Variants in PRDM15 observed in about 807,000 individuals in gnomAD.
PRDM15 encodes the protein PR/SET domain 15, also known as PR domain zinc finger protein 15.
A neutral mutation model predicts 128.6 loss-of-function variants in PRDM15; 64 were observed. That is an observed-to-expected ratio of 0.50 (90% confidence interval 0.41 to 0.61). PRDM15 has a LOEUF of 0.61. Among genes scored for constraint, PRDM15 ranks in the 20% least tolerant of loss-of-function variants. PRDM15 has a pLI of 0.00. For synonymous variants in PRDM15, 615 were observed against 621.8 expected, an observed-to-expected ratio of 0.99 and a Z score of 0.16; for missense variants, 1,242 against 1,569.1, an observed-to-expected ratio of 0.79 and a Z score of 3.52.
chr21:41,819,581 C>A lies in PRDM15; in HGVS notation c.2260+1G>T, dbSNP rs1237913134. On this transcript the variant is annotated splice_donor_variant, in intron 18 of 23. Coordinates refer to ENST00000398548, the MANE Select transcript of PRDM15 (RefSeq NM_001040424.3). LOFTEE classifies it high-confidence loss of function. ...CCCATGTCCCCAGCACCCGTACCCA[C>A]CTTTCCCACACTCGGCACACAGGTA... The A allele has an allele frequency of 6.2e-7, 1 of 1,612,542 alleles. No individual in the cohort carries two copies. Among genetic ancestry groups the A allele is most frequent in the East Asian group, 2.2e-5 (1 of 44,864 alleles).
At chr21:41,847,852 C>T (rs902607043) in intron 5 of PRDM15, among the ~76,000 whole-genome samples, 6 of 152,238 alleles carry the variant, frequency 3.9e-5, no homozygotes, top group Non-Finnish European at 8.8e-5. Flanking sequence ...CCATGCCACA[C>T]AGGAATCTGG....
At chr21:41,848,031 C>T (rs999634499) in intron 5 of PRDM15, among the ~76,000 whole-genome samples, 1 of 152,192 alleles carries the variant, frequency 6.6e-6, no homozygotes, top group Non-Finnish European at 1.5e-5. Context: ...TTCTCTACAC[C>T]TCGTCTGGCA....
chr21:41,818,125 A>G (rs889891535), intron 18 of PRDM15, among the ~76,000 whole-genome samples: 5 of 151,968 alleles, frequency 3.3e-5, no homozygotes, highest in African/African-American at 1.2e-4. Context: ...CAGGCTCACC[A>G]CACTGTCTTA....
At chr21:41,812,768 C>T (rs565031431) in intron 19 of PRDM15, 8 of 152,374 alleles carry the variant, frequency 5.3e-5, no homozygotes, top group African/African-American at 1.9e-4. Flanking sequence ...GAGGAACGGC[C>T]ACCGCCTTGG....
chr21:41,841,198 A>T (rs2063064231), intron 6 of PRDM15, among the ~76,000 whole-genome samples: 3 of 152,228 alleles, frequency 2.0e-5, no homozygotes, highest in Admixed American at 2.0e-4. Context: ...AATAAAAATA[A>T]AGACATAAAT....
chr21:41,840,262 T>C (rs1481396236), intron 6 of PRDM15, among the ~76,000 whole-genome samples: 1 of 151,776 alleles, frequency 6.6e-6, no homozygotes, highest in African/African-American at 2.4e-5. Flanking sequence ...CTGGCAAACA[T>C]GGTGAAAACC....
chr21:41,859,476 C>CA lies in PRDM15; in HGVS notation c.131+115dup, dbSNP rs905657732. 1.3e-4 allele frequency: 107 copies of CA among 837,476 alleles called. No homozygotes were observed. The highest frequency in any genetic ancestry group is 5.2e-4 in the Admixed American group (20 of 38,264). 51.9% of individuals were successfully genotyped at this position (837,476 alleles called of 1,614,324 possible). The stretch of plus-strand genomic sequence containing the variant: ...GGGAGCGGAATCGCTGGCTCTCACT[C>CA]AGAGTGCCTCTGTTCTCCCTCAGGC... On this transcript the variant is annotated intron_variant, in intron 3 of 23. Transcript: ENST00000398548. The surrounding 1 kb of genome is among the most constrained non-coding windows in gnomAD (Gnocchi z 5.3).
Position 41,859,337 on chromosome 21 carries a change from C to T in PRDM15, c.131+255G>A. ...CTTCTGCAGCCTCCACACACTGTGT[C>T]GGGAACAGCTGGGCTCCAGCTAAGA... On this transcript the variant is annotated intron_variant, in intron 3 of 23. Transcript: ENST00000398548. This position sits in a 1 kb window ranked among gnomAD's most constrained non-coding sequence, Gnocchi z 5.3. 7.7e-6 allele frequency: 8 copies of T among 1,037,706 alleles called. No homozygotes were observed. Among genetic ancestry groups the T allele is most frequent in the Middle Eastern group, 2.6e-4 (1 of 3,916 alleles). The allele number at this position is 1,037,706 out of a possible 1,614,324, so 64.3% of individuals were successfully genotyped here. A position where few individuals can be genotyped will look rare whatever the true frequency, so the allele number is the denominator to read the frequency against.
chr21:41,879,100 A>T lies in PRDM15; in HGVS notation c.-10+170T>A, dbSNP rs757032427. ...GTGCCCGCAGCCGGCGAATGTAACA[A>T]AGAACAGTCGGCATGGCGGCTGGAC... On this transcript the variant is annotated intron_variant, in intron 1 of 23. Coordinates refer to ENST00000398548, the MANE Select transcript of PRDM15 (RefSeq NM_001040424.3). The surrounding 1 kb of genome is among the most constrained non-coding windows in gnomAD (Gnocchi z 5.1). 1 of 1,112,306 alleles carries T rather than the reference A, an allele frequency of 9.0e-7. No individual in the cohort carries two copies. 68.9% of individuals were successfully genotyped at this position (1,112,306 alleles called of 1,614,324 possible).
At position 41,871,532 on chromosome 21, in the gene PRDM15, G is replaced by A. The variant is rs145892669; in HGVS notation, c.-10+7738C>T. The A allele has an allele frequency of 8.5e-4, 1,361 of 1,610,348 alleles. 10 individuals are homozygous for A. In the African/African-American group the frequency reaches 0.013, roughly 15 times the overall value. On this transcript the variant is annotated intron_variant, in intron 1 of 23. Transcript: ENST00000398548. ...AGGATTGCGTCGCAGGCCTGCACTC[G>A]CAGGGCTCAGTGGCTCAGTGTCGGA...
intron 11 of PRDM15, among the ~76,000 whole-genome samples, chr21:41,829,253 AAC>A (rs1296896552): frequency 6.9e-6 from 1 of 145,586 alleles, no homozygotes; most frequent in Non-Finnish European, 1.5e-5. Context: ...ATACACACCC[AAC>A]ACACATCACA....
intron 11 of PRDM15, chr21:41,834,619 G>T (rs1455398984): frequency 4.1e-6 from 6 of 1,454,622 alleles, no homozygotes; most frequent in Non-Finnish European, 5.6e-6. Context: ...TGCCCCGCTG[G>T]GGACCCCCAC....
At chr21:41,858,609 C>T (rs1037837285) in intron 3 of PRDM15, among the ~76,000 whole-genome samples, 3 of 151,972 alleles carry the variant, frequency 2.0e-5, no homozygotes, top group Admixed American at 6.5e-5. Flanking sequence ...CCGACAGAGG[C>T]GGACATGAGG....
At chr21:41,803,027 A>G in intron 22 of PRDM15, 106 bp from the exon 23 acceptor site, 1 of 858,452 alleles carries the variant, frequency 1.2e-6, no homozygotes, top group South Asian at 1.4e-5. Flanking sequence ...ATCAGTGGGG[A>G]CGCTTGTGGG....
rs28484650 is a variant in PRDM15, at chr21:41,810,986, C to T, written c.2393-150G>A. On this transcript the variant is annotated intron_variant, in intron 19 of 23. Coordinates refer to ENST00000398548, the MANE Select transcript of PRDM15 (RefSeq NM_001040424.3). The surrounding 1 kb of genome is among the most constrained non-coding windows in gnomAD (Gnocchi z 6.4). ...AGACAGCAGACAATGAACGCTCATCCCCAGCCTCGGCCAGCAAAGTGTGGC... is the reference window on the plus strand; with the variant it reads ...AGACAGCAGACAATGAACGCTCATCTCCAGCCTCGGCCAGCAAAGTGTGGC... 219,283 of 641,250 alleles carry T rather than the reference C, an allele frequency of 0.34. 38,504 individuals carry two copies. Among genetic ancestry groups the T allele is most frequent in the Admixed American group, 0.42 (17,603 of 41,522 alleles). The allele number at this position is 641,250 out of a possible 1,614,324, so 39.7% of individuals were successfully genotyped here.
chr21:41,807,448 C>CG (rs1197649501), intron 21 of PRDM15, among the ~76,000 whole-genome samples: 3 of 152,148 alleles, frequency 2.0e-5, no homozygotes, highest in African/African-American at 7.2e-5. Flanking sequence ...GGGACAGGCT[C>CG]GGGGGACCGT....
At chr21:41,846,251 G>A (rs1418602731) in intron 6 of PRDM15, among the ~76,000 whole-genome samples, 6 of 152,218 alleles carry the variant, frequency 3.9e-5, no homozygotes, top group Admixed American at 3.3e-4. Flanking sequence ...TTTATTTGAT[G>A]CGAGTCTTTC....
chr21:41,868,355 T>C (rs2064088054), intron 1 of PRDM15, among the ~76,000 whole-genome samples: 1 of 152,054 alleles, frequency 6.6e-6, no homozygotes, highest in African/African-American at 2.4e-5. Context: ...TGCCCAGGAG[T>C]GCAATGACTG....
At chr21:41,823,492 T>C in intron 13 of PRDM15, 43 bp from the exon 14 acceptor site, 1 of 1,534,960 alleles carries the variant, frequency 6.5e-7, no homozygotes, top group Non-Finnish European at 8.8e-7. Flanking sequence ...CGGCGTCTCG[T>C]GACGGGAAGG....
Sources: gnomAD v4.1 joint callset for allele counts (sites outside exome capture counted in the v4.1 genomes callset) on GRCh38, gnomAD v4.1.1 for gene constraint, Gnocchi (gnomAD v3.1) non-coding constraint, MANE v1.5 for transcripts, NCBI Gene and HGNC (gene_info 2026-07-23, HGNC 2026-07-21) for gene names.